Variants in TRAF3IP2 observed in about 807,000 individuals in gnomAD.
TRAF3IP2 encodes TRAF3 interacting protein 2, also known as E3 ubiquitin ligase TRAF3IP2.
In TRAF3IP2, 35 loss-of-function variants were observed where a neutral mutation model predicts 57.9. The observed-to-expected ratio is 0.60, with a 90% CI of 0.46 to 0.80. The LOEUF (loss-of-function observed/expected upper bound fraction) is 0.80. Among genes scored for constraint, TRAF3IP2 ranks in the 30% least tolerant of loss-of-function variants. TRAF3IP2 has a pLI of 0.00. For synonymous variants in TRAF3IP2, 251 were observed against 268.9 expected (o/e 0.93, Z 0.65); for missense variants, 556 against 706.4 (o/e 0.79, Z 2.41).
chr6:111,593,895 C>T (rs1017184937), intron 1 of TRAF3IP2, among the ~76,000 whole-genome samples: 1 of 152,126 alleles, frequency 6.6e-6, no homozygotes, highest in Non-Finnish European at 1.5e-5. Flanking sequence ...CTTTGGGAGG[C>T]TGAGGCGGGT....
intron 6 of TRAF3IP2, chr6:111,567,150 A>G (rs1266356501): frequency 1.2e-5 from 12 of 996,014 alleles, no homozygotes; most frequent in African/African-American, 3.5e-5. Context: ...TTAAAGCACA[A>G]CGTGTCCCAG....
rs1368336506 is a variant in TRAF3IP2, at chr6:111,558,465, CTCTG to C, written c.*936_*939del. 1 of 152,258 alleles carries C rather than the reference CTCTG, an allele frequency of 6.6e-6. No individual in the cohort carries two copies. The highest frequency in any genetic ancestry group is 1.5e-5 in the Non-Finnish European group (1 of 68,072). The allele number at this position is 152,258 out of a possible 1,614,324, so 9.4% of individuals were successfully genotyped here. ...GTTTGTTTTTTGAGACGGAGTCTCGCTCTGTCTCCCAAGCTAGAGTGCAGTGACA... is the reference window on the plus strand; with the variant it reads ...GTTTGTTTTTTGAGACGGAGTCTCGCTCTCCCAAGCTAGAGTGCAGTGACA... On this transcript the variant is annotated 3_prime_UTR_variant, in exon 9 of 9. Coordinates refer to ENST00000368761, the MANE Select transcript of TRAF3IP2 (RefSeq NM_147686.4).
intron 2 of TRAF3IP2, among the ~76,000 whole-genome samples, chr6:111,586,420 T>C (rs1796337650): frequency 6.6e-6 from 1 of 152,214 alleles, no homozygotes; most frequent in African/African-American, 2.4e-5. Context: ...ATGAACTCCA[T>C]GCTGGCGACC....
intron 1 of TRAF3IP2, among the ~76,000 whole-genome samples, chr6:111,593,255 A>G (rs1562434567): frequency 6.6e-6 from 1 of 152,226 alleles, no homozygotes; most frequent in African/African-American, 2.4e-5. Flanking sequence ...CAGAGAGAGA[A>G]AAGGGATTAT....
At chr6:111,566,601 C>A in intron 6 of TRAF3IP2, 41 bp from the exon 7 acceptor site, 4 of 1,559,614 alleles carry the variant, frequency 2.6e-6, no homozygotes, top group Non-Finnish European at 3.5e-6. Flanking sequence ...TGGAAGTGTA[C>A]CAGCAGGACT....
At chr6:111,600,564 G>GGACA (rs1796832813) in intron 1 of TRAF3IP2, 2 of 152,184 alleles carry the variant, frequency 1.3e-5, no homozygotes, top group African/African-American at 2.4e-5. Flanking sequence ...TCTGCAAAGG[G>GGACA]GACAGATAGT....
In TRAF3IP2 at chr6:111,559,192, T is replaced by A. The variant is rs1795341753; in HGVS notation, c.*213A>T. Reference sequence around the variant, plus strand: ...CAATGGTTTTTTTAAAAGCAGAGAATGCAGAGCAGTCACAGACTCCACTTC... The same window carrying A: ...CAATGGTTTTTTTAAAAGCAGAGAAAGCAGAGCAGTCACAGACTCCACTTC... On this transcript the variant is annotated 3_prime_UTR_variant, in exon 9 of 9. Coordinates refer to ENST00000368761, the MANE Select transcript of TRAF3IP2 (RefSeq NM_147686.4). The A allele has an allele frequency of 3.7e-6, 2 of 535,040 alleles. No individual in the cohort carries two copies. Among genetic ancestry groups the A allele is most frequent in the Admixed American group, 6.4e-5 (2 of 31,020 alleles). 33.1% of individuals were successfully genotyped at this position (535,040 alleles called of 1,614,324 possible).
chr6:111,580,307 C>T lies in TRAF3IP2; in HGVS notation c.912G>A (p.Val304=). 3.7e-6 allele frequency: 6 copies of T among 1,609,618 alleles called. No individual in the cohort carries two copies. The highest frequency in any genetic ancestry group is 5.1e-6 in the Non-Finnish European group (6 of 1,178,820). ...CCTTCTGCACAGGGTGCAGGCCTCT[C>T]ACACTGGCTCCAGGCAGGGGCTGCC... The part of the protein sequence containing the change: ...LPGQPLPGAS[V]RGLHPVQKVI... Residue 304 remains valine (V), a synonymous_variant, in exon 3 of 9, where the codon GTG becomes GTA. Transcript: ENST00000368761.
rs570152586 is a variant in TRAF3IP2, at chr6:111,588,694, A to T, written c.829+2564T>A. 4.1e-4 allele frequency among the ~76,000 whole-genome samples: 62 copies of T among 152,328 alleles called. 1 individual carries two copies. The highest frequency in any genetic ancestry group is 2.6e-4 in the Admixed American group (4 of 15,302). ...TTCTTCGCATTAATCTAAGGAGTTA[A>T]TCGGAAGTGCAGTTAAAAACATATG... On this transcript the variant is annotated intron_variant, in intron 2 of 8. Coordinates refer to ENST00000368761, the MANE Select transcript of TRAF3IP2 (RefSeq NM_147686.4).
rs940135048 is a variant in TRAF3IP2, at chr6:111,556,929, C to G, written c.*2476G>C. ...ATCACTTGAGCCCAGGAATTCGAGA[C>G]TAGCCTGGACAACATGGCAAAACCC... is the stretch of plus-strand genomic sequence containing the variant. On this transcript the variant is annotated 3_prime_UTR_variant, in exon 9 of 9. Coordinates refer to ENST00000368761, the MANE Select transcript of TRAF3IP2 (RefSeq NM_147686.4). 1.3e-5 allele frequency: 2 copies of G among 152,250 alleles called. No individual in the cohort carries two copies. The highest frequency in any genetic ancestry group is 4.8e-5 in the African/African-American group (2 of 41,406). The allele number at this position is 152,250 out of a possible 1,614,324, so 9.4% of individuals were successfully genotyped here. A position where few individuals can be genotyped will look rare whatever the true frequency, so the allele number is the denominator to read the frequency against.
At chr6:111,593,362 T>A (rs955004640) in intron 1 of TRAF3IP2, among the ~76,000 whole-genome samples, 6 of 152,216 alleles carry the variant, frequency 3.9e-5, no homozygotes, top group African/African-American at 1.4e-4. Context: ...ATAAATTATG[T>A]TCTAAAACAA....
chr6:111,594,132 CA>C lies in TRAF3IP2; in HGVS notation c.-8-2039del, dbSNP rs36108891. On this transcript the variant is annotated intron_variant, in intron 1 of 8. Coordinates refer to ENST00000368761, the MANE Select transcript of TRAF3IP2 (RefSeq NM_147686.4). ...AGCGACAAGAGCGAGACTCCATCTC[CA>C]AAAAAAAAAAAAATGCTCACCATTT... Among the ~76,000 whole-genome samples, 375 of 123,944 alleles carry C rather than the reference CA, an allele frequency of 3.0e-3. 7 individuals are homozygous for C. The highest frequency in any genetic ancestry group is 8.3e-3 in the African/African-American group (282 of 34,138). 81.3% of individuals were successfully genotyped at this position (123,944 alleles called of 152,430 possible).
chr6:111,567,615 T>C lies in TRAF3IP2; in HGVS notation c.1359+9A>G. The C allele has an allele frequency of 1.9e-6, 3 of 1,601,214 alleles. No homozygotes were observed. The highest frequency in any genetic ancestry group is 2.3e-5 in the South Asian group (2 of 87,602). ...AGAAAACAAACTCTGGTTTTTGGAA[T>C]GTACTTACATCCCTAAGGTAGCGCT... is the stretch of plus-strand genomic sequence containing the variant. On this transcript the variant is annotated intron_variant, in intron 6 of 8. Transcript: ENST00000368761.
intron 1 of TRAF3IP2, chr6:111,598,037 T>G: frequency 5.2e-6 from 2 of 384,620 alleles, no homozygotes; most frequent in Non-Finnish European, 1.0e-5. Context: ...CTGGGTCATC[T>G]CAGGCTCATC....
chr6:111,566,413 A>G (rs963958095), intron 7 of TRAF3IP2, 31 bp downstream of exon 7: 2 of 1,529,638 alleles, frequency 1.3e-6, no homozygotes, highest in African/African-American at 1.4e-5. Context: ...CCCAGGGGAC[A>G]GTGAGGTGTT....
chr6:111,573,737 G>A (rs1222981780), intron 4 of TRAF3IP2: 1 of 152,222 alleles, frequency 6.6e-6, no homozygotes, highest in Non-Finnish European at 1.5e-5. Context: ...TCAGGCTAAA[G>A]TCTTGGGGAA....
At chr6:111,579,739 G>T (rs934015783) in intron 3 of TRAF3IP2, among the ~76,000 whole-genome samples, 26 of 152,032 alleles carry the variant, frequency 1.7e-4, no homozygotes, top group African/African-American at 6.3e-4. Flanking sequence ...CTCAAAAAAA[G>T]AAAAGAACAG....
intron 1 of TRAF3IP2, chr6:111,594,638 G>C (rs1420996894): frequency 2.8e-6 from 1 of 352,184 alleles, no homozygotes; most frequent in Non-Finnish European, 5.7e-6. Flanking sequence ...TCTGGGGCTG[G>C]GCGTGGTGGC....
intron 6 of TRAF3IP2, chr6:111,566,859 G>C: frequency 4.9e-6 from 2 of 410,420 alleles, no homozygotes; most frequent in Non-Finnish European, 9.2e-6. Context: ...GAGTGAGTCT[G>C]TGTCGTGGCA....
Sources: allele counts gnomAD v4.1 joint callset (sites outside exome capture counted in the v4.1 genomes callset), GRCh38; gene constraint gnomAD v4.1.1; transcripts MANE v1.5; gene names NCBI Gene and HGNC (gene_info 2026-07-23, HGNC 2026-07-21).